The following CERT1 variants were observed in gnomAD, a reference collection of about 807,000 sequenced individuals.
CERT1 encodes ceramide transporter 1.
CERT1 carries 31 observed loss-of-function variants against 87.9 expected under a neutral mutation model. That is an observed-to-expected ratio of 0.35 (90% CI 0.27 to 0.48). CERT1 has a LOEUF of 0.48. Among genes scored for constraint, CERT1 ranks in the 20% least tolerant of loss-of-function variants. The probability of loss-of-function intolerance (pLI) is 0.99; values close to 1 mark genes in which losing one functional copy is unlikely to be tolerated. For synonymous variants in CERT1, 289 were observed against 250.9 expected (o/e 1.15, Z -1.44); for missense variants, 487 against 758.0 (o/e 0.64, Z 4.20).
chr5:75,396,729 C>CAAA (rs375730002), intron 11 of CERT1, among the ~76,000 whole-genome samples: 11 of 92,614 alleles, frequency 1.2e-4, no homozygotes, highest in African/African-American at 3.0e-4. Flanking sequence ...AACTCCGTCT[C>CAAA]AAAAAAAAAA....
chr5:75,495,507 G>GA (rs905434646), intron 2 of CERT1, among the ~76,000 whole-genome samples: 2 of 151,756 alleles, frequency 1.3e-5, no homozygotes, highest in African/African-American at 2.4e-5. Context: ...TCAGTGTGCC[G>GA]AGATCACGCC....
At position 75,457,984 on chromosome 5, in the gene CERT1, ATG is replaced by A. The variant is rs201643050; in HGVS notation, c.348+1079_348+1080del. ...ATGTGTGTGTGTGTGTGTGTGTGGT[ATG>A]TGTGTGTGTGTTTTGTGCCTGTTAG... is the stretch of plus-strand genomic sequence containing the variant. On this transcript the variant is annotated intron_variant, in intron 3 of 16. Coordinates refer to ENST00000643780, the MANE Select transcript of CERT1 (RefSeq NM_001379029.1). Among the ~76,000 whole-genome samples the A allele has an allele frequency of 2.4e-3, 330 of 135,886 alleles. 1 individual carries two copies. The East Asian group carries it at 0.031, about 13-fold the overall frequency. The allele number at this position is 135,886 out of a possible 152,430, so 89.1% of individuals were successfully genotyped here. A position where few individuals can be genotyped will look rare whatever the true frequency, so the allele number is the denominator to read the frequency against.
At position 75,420,872 on chromosome 5, in the gene CERT1, G is replaced by A. The variant is rs144776701; in HGVS notation, c.596-1448C>T. 2.1e-3 allele frequency among the ~76,000 whole-genome samples: 316 copies of A among 152,072 alleles called. 1 individual carries two copies. In the East Asian group the frequency reaches 0.028, roughly 13 times the overall value. The stretch of plus-strand genomic sequence containing the variant: ...GGGTCTGGCTCTGTTGCCCAGCCTG[G>A]AGTGCAGTGGCACAATCTCAGCTCA... On this transcript the variant is annotated intron_variant, in intron 5 of 16. Transcript: ENST00000643780.
At chr5:75,502,727 C>T (rs1206238704) in intron 2 of CERT1, among the ~76,000 whole-genome samples, 1 of 151,940 alleles carries the variant, frequency 6.6e-6, no homozygotes, top group Non-Finnish European at 1.5e-5. Context: ...TTTTTAATGC[C>T]ACAAATTATA....
chr5:75,377,716 T>C (rs1761379608), downstream of CERT1: 2 of 152,224 alleles, frequency 1.3e-5, no homozygotes, highest in Non-Finnish European at 2.9e-5. Flanking sequence ...TAGAAGAAAC[T>C]AGTAATAGCA....
rs138582630 is a variant in CERT1, at chr5:75,469,731, C to T, written c.232-10550G>A. Among the ~76,000 whole-genome samples, 163 of 152,136 alleles carry T rather than the reference C, an allele frequency of 1.1e-3. 1 individual carries two copies. The East Asian group carries it at 0.027, about 26-fold the overall frequency. On this transcript the variant is annotated intron_variant, in intron 2 of 16. Coordinates refer to ENST00000643780, the MANE Select transcript of CERT1 (RefSeq NM_001379029.1). ...GCAGTTAAGCCCTTATCTATCAATACATAAATGCCTTAAATATAAATGGAT... is the reference window on the plus strand; with the variant it reads ...GCAGTTAAGCCCTTATCTATCAATATATAAATGCCTTAAATATAAATGGAT...
chr5:75,374,126 G>C (rs1019575335), downstream of CERT1: 1 of 396,874 alleles, frequency 2.5e-6, no homozygotes, highest in East Asian at 3.6e-5. Flanking sequence ...TTCCAGCTTA[G>C]AGCATTCAGC....
chr5:75,498,973 A>G (rs1767211258), intron 2 of CERT1, among the ~76,000 whole-genome samples: 1 of 152,230 alleles, frequency 6.6e-6, no homozygotes, highest in Non-Finnish European at 1.5e-5. Context: ...GAGCTGCCCA[A>G]GGTGGTGGGA....
chr5:75,433,836 T>C (rs1249098607), intron 3 of CERT1, among the ~76,000 whole-genome samples: 1 of 152,216 alleles, frequency 6.6e-6, no homozygotes, highest in African/African-American at 2.4e-5. Flanking sequence ...GTACTGATTT[T>C]TGTACATTGA....
chr5:75,473,267 G>T (rs1580820500), intron 2 of CERT1, among the ~76,000 whole-genome samples: 1 of 151,872 alleles, frequency 6.6e-6, no homozygotes, highest in African/African-American at 2.4e-5. Flanking sequence ...TTTTTTGTAG[G>T]GACAGGGTCT....
At chr5:75,432,147 GT>G (rs1449073695) in intron 3 of CERT1, among the ~76,000 whole-genome samples, 1 of 151,726 alleles carries the variant, frequency 6.6e-6, no homozygotes, top group African/African-American at 2.4e-5. Context: ...CACCTCCAGG[GT>G]TCATGCCATT....
In CERT1 at chr5:75,403,587, G is replaced by A. The variant is rs1489126377; in HGVS notation, c.931-529C>T. Among the ~76,000 whole-genome samples, 6 of 152,354 alleles carry A rather than the reference G, an allele frequency of 3.9e-5. No homozygotes were observed. The South Asian group carries it at 1.0e-3, about 26-fold the overall frequency. ...GAGATATAAAATTGCAATGAGGTAA[G>A]TAAAAATTTGCACAAGAACTATAGC... On this transcript the variant is annotated intron_variant, in intron 8 of 16. Coordinates refer to ENST00000643780, the MANE Select transcript of CERT1 (RefSeq NM_001379029.1).
At chr5:75,506,141 G>C in intron 1 of CERT1, 25 bp from the exon 2 acceptor site, 1 of 1,602,090 alleles carries the variant, frequency 6.2e-7, no homozygotes, top group Non-Finnish European at 8.5e-7. Context: ...GGGAAGGGAA[G>C]AGAGAAGAAA....
At chr5:75,484,420 G>A (rs1766406452) in intron 2 of CERT1, among the ~76,000 whole-genome samples, 1 of 150,406 alleles carries the variant, frequency 6.6e-6, no homozygotes, top group Non-Finnish European at 1.5e-5. Flanking sequence ...GAATGTATAT[G>A]GACTAAACTC....
intron 9 of CERT1, chr5:75,401,879 T>C (rs943975427): frequency 5.3e-5 from 8 of 152,208 alleles, no homozygotes; most frequent in Admixed American, 2.0e-4. Flanking sequence ...GACACATACA[T>C]GATTATTTGG....
At chr5:75,473,071 C>T (rs531135608) in intron 2 of CERT1, among the ~76,000 whole-genome samples, 12 of 152,086 alleles carry the variant, frequency 7.9e-5, no homozygotes, top group East Asian at 5.8e-4. Context: ...TGGAATACTA[C>T]GCAGCCATTT....
chr5:75,492,278 T>A (rs1489828643), intron 2 of CERT1, among the ~76,000 whole-genome samples: 1 of 152,112 alleles, frequency 6.6e-6, no homozygotes, highest in Non-Finnish European at 1.5e-5. Context: ...GGCAGGAGGA[T>A]CATGAGCCCA....
upstream of CERT1, chr5:75,511,719 C>T: frequency 6.5e-7 from 1 of 1,546,202 alleles, no homozygotes; most frequent in Non-Finnish European, 8.7e-7. Context: ...GCGTCTGACG[C>T]GACACGCCGA....
chr5:75,369,636 G>A (rs902375142), intron 17 of CERT1: 4 of 152,222 alleles, frequency 2.6e-5, no homozygotes, highest in African/African-American at 9.6e-5. Flanking sequence ...GTTGAGTGGG[G>A]AGGAGTCAGA....
Sources: gnomAD v4.1 joint callset for allele counts (sites outside exome capture counted in the v4.1 genomes callset) on GRCh38, gnomAD v4.1.1 for gene constraint, MANE v1.5 for transcripts, NCBI Gene and HGNC (gene_info 2026-07-23, HGNC 2026-07-21) for gene names.